Variants in CNTN4 observed in about 807,000 individuals in gnomAD.
CNTN4 encodes contactin 4.
In CNTN4, 77 loss-of-function variants were observed where a neutral mutation model predicts 122.5. The observed-to-expected ratio is 0.63, with a 90% confidence interval of 0.52 to 0.76. The LOEUF is 0.76. CNTN4 is among the 30% of genes least tolerant of loss of function. The probability of loss-of-function intolerance (pLI) is 0.00; values close to 1 mark genes in which losing one functional copy is unlikely to be tolerated. For missense variants in CNTN4, 1,256 were observed against 1,259.1 expected (o/e 1.00, Z 0.04); for synonymous variants, 512 against 447.0 (o/e 1.15, Z -1.83).
At chr3:2,491,013 A>G (rs1485991228) in intron 3 of CNTN4, among the ~76,000 whole-genome samples, 1 of 152,178 alleles carries the variant, frequency 6.6e-6, no homozygotes. Flanking sequence ...AAGAAAGAAT[A>G]GGGGGGAAAA....
chr3:2,984,967 G>A (rs1415989310), intron 13 of CNTN4, among the ~76,000 whole-genome samples: 1 of 152,168 alleles, frequency 6.6e-6, no homozygotes, highest in African/African-American at 2.4e-5. Context: ...ATTAAGATTT[G>A]TTCACCACTC....
intron 4 of CNTN4, among the ~76,000 whole-genome samples, chr3:2,708,746 C>CACACACACAG (rs1553616864): frequency 3.5e-4 from 11 of 31,740 alleles, no homozygotes; most frequent in Admixed American, 2.2e-3. Flanking sequence ...CACACACACA[C>CACACACACAG]ACACACACAC....
intron 3 of CNTN4, among the ~76,000 whole-genome samples, chr3:2,452,840 C>G (rs376255308): frequency 6.6e-6 from 1 of 152,008 alleles, no homozygotes; most frequent in Non-Finnish European, 1.5e-5. Flanking sequence ...AATATCAAAG[C>G]CCAGCTTGTT....
chr3:2,967,666 T>C (rs1413536204), intron 13 of CNTN4, among the ~76,000 whole-genome samples: 1 of 152,168 alleles, frequency 6.6e-6, no homozygotes, highest in Non-Finnish European at 1.5e-5. Context: ...GTTATAATTT[T>C]GCAATGGCAG....
intron 7 of CNTN4, among the ~76,000 whole-genome samples, chr3:2,865,847 T>C (rs1277402853): frequency 6.6e-6 from 1 of 152,220 alleles, no homozygotes; most frequent in Non-Finnish European, 1.5e-5. Flanking sequence ...CTAATTCTTA[T>C]AAAAGTTAGA....
chr3:2,371,164 A>T (rs1485575465), intron 3 of CNTN4, among the ~76,000 whole-genome samples: 1 of 152,180 alleles, frequency 6.6e-6, no homozygotes. Flanking sequence ...CTTCTAACAT[A>T]GTTCATCAAG....
At position 2,621,485 on chromosome 3, in the gene CNTN4, C is replaced by A. The variant is rs993935171; in HGVS notation, c.55+49927C>A. Among the ~76,000 whole-genome samples, 15 of 150,904 alleles carry A rather than the reference C, an allele frequency of 9.9e-5. 2 individuals carry two copies. Among genetic ancestry groups the A allele is most frequent in the African/African-American group, 3.7e-4 (15 of 41,088 alleles). On this transcript the variant is annotated intron_variant, in intron 4 of 24. Transcript: ENST00000418658. Reference sequence around the variant, plus strand: ...TCACAGTAAGGGGAATGTCACACACCGGGGCCTGTCGGGGGGTGGGGGGCT... The same window carrying A: ...TCACAGTAAGGGGAATGTCACACACAGGGGCCTGTCGGGGGGTGGGGGGCT...
At chr3:2,555,835 T>C (rs1436734144) in intron 3 of CNTN4, among the ~76,000 whole-genome samples, 2 of 152,138 alleles carry the variant, frequency 1.3e-5, no homozygotes, top group Non-Finnish European at 2.9e-5. Context: ...ACTATGGTAA[T>C]ATAGCTGTGG....
At chr3:2,263,844 T>G (rs2040936465) in intron 2 of CNTN4, among the ~76,000 whole-genome samples, 1 of 123,148 alleles carries the variant, frequency 8.1e-6, no homozygotes, top group East Asian at 2.1e-4. Flanking sequence ...GAAATCTACT[T>G]TTTTAGTTTT....
chr3:2,799,555 G>C (rs2728081), intron 6 of CNTN4, among the ~76,000 whole-genome samples: 134,236 of 151,908 alleles, frequency 0.88, 59,879 homozygotes, highest in South Asian at 0.98. Context: ...CTCTGCCTCC[G>C]GGGTTCAAGC....
intron 2 of CNTN4, among the ~76,000 whole-genome samples, chr3:2,312,683 C>T (rs898913689): frequency 6.6e-6 from 1 of 152,008 alleles, no homozygotes; most frequent in Non-Finnish European, 1.5e-5. Context: ...CTATAAATCA[C>T]ATTATGAGTA....
At chr3:2,120,405 A>ATATATATAT (rs1428527983) in intron 2 of CNTN4, among the ~76,000 whole-genome samples, 2 of 40,870 alleles carry the variant, frequency 4.9e-5, no homozygotes. Context: ...ATATATATAT[A>ATATATATAT]TTTTTTTTTT....
intron 3 of CNTN4, among the ~76,000 whole-genome samples, chr3:2,441,634 G>A (rs1344812446): frequency 2.6e-5 from 4 of 152,154 alleles, no homozygotes; most frequent in Non-Finnish European, 5.9e-5. Context: ...TTCAAACATA[G>A]ATTTGCAGGT....
In CNTN4 at chr3:2,250,233, G is replaced by C. The variant is rs540426345; in HGVS notation, c.-144-88945G>C. ...AGAATTACTGCTCCTTCAATTAATA[G>C]ACTAGAGAAGAAGAGATTCTACATT... On this transcript the variant is annotated intron_variant, in intron 2 of 24. Coordinates refer to ENST00000418658, the MANE Select transcript of CNTN4 (RefSeq NM_175607.3). Among the ~76,000 whole-genome samples the C allele has an allele frequency of 3.5e-4, 53 of 151,904 alleles. 1 individual carries two copies. Among genetic ancestry groups the C allele is most frequent in the African/African-American group, 1.3e-3 (53 of 41,518 alleles).
Position 2,915,587 on chromosome 3 carries a change from C to G in CNTN4, c.1208-10042C>G, listed in dbSNP as rs111372950. Among the ~76,000 whole-genome samples, 976 of 152,234 alleles carry G rather than the reference C, an allele frequency of 6.4e-3. 6 individuals carry two copies. Among genetic ancestry groups the G allele is most frequent in the African/African-American group, 0.023 (937 of 41,552 alleles). On this transcript the variant is annotated intron_variant, in intron 12 of 24. Transcript: ENST00000418658. ...TGGGCATCCTTGCTTTGTTTCTGAT[C>G]TTAGAGAAAAAGCTTTCAATTTTTC...
rs774690694 is a variant in CNTN4, at chr3:2,887,238, T to C, written c.940+14T>C. 1.2e-6 allele frequency: 2 copies of C among 1,609,348 alleles called. No homozygotes were observed. The highest frequency in any genetic ancestry group is 2.2e-5 in the South Asian group (2 of 91,030). On this transcript the variant is annotated intron_variant, in intron 10 of 24. Coordinates refer to ENST00000418658, the MANE Select transcript of CNTN4 (RefSeq NM_175607.3). ...TAACTTTCTATGGTAAGTGTATGAT[T>C]TCAGTTTATCATTTATAGTGCTACA... is the stretch of plus-strand genomic sequence containing the variant.
At chr3:2,607,626 A>ACACACACACACACACACACG (rs2081314767) in intron 4 of CNTN4, among the ~76,000 whole-genome samples, 4 of 152,028 alleles carry the variant, frequency 2.6e-5, no homozygotes, top group Admixed American at 2.6e-4. Context: ...ACACACACAC[A>ACACACACACACACACACACG]TAACTAATGG....
intron 3 of CNTN4, among the ~76,000 whole-genome samples, chr3:2,561,482 A>T (rs2078951068): frequency 6.6e-6 from 1 of 152,054 alleles, no homozygotes; most frequent in South Asian, 2.1e-4. Flanking sequence ...CTCAGTGGGA[A>T]ATCCAAGGGG....
chr3:2,316,776 C>T (rs974089006), intron 2 of CNTN4, among the ~76,000 whole-genome samples: 3 of 152,098 alleles, frequency 2.0e-5, no homozygotes, highest in Non-Finnish European at 4.4e-5. Flanking sequence ...TTTAAGACGC[C>T]GAGCTCTGTG....
Sources: gnomAD v4.1 joint callset for allele counts (sites outside exome capture counted in the v4.1 genomes callset) on GRCh38, gnomAD v4.1.1 for gene constraint, MANE v1.5 for transcripts, NCBI Gene and HGNC (gene_info 2026-07-23, HGNC 2026-07-21) for gene names.